The following CDH4 variants were observed in gnomAD, a reference collection of about 807,000 sequenced individuals.
CDH4 encodes the protein cadherin-4.
CDH4 carries 33 observed loss-of-function variants against 86.0 expected under a neutral mutation model. The ratio of observed to expected loss-of-function variants is 0.38; its 90% CI spans 0.29 to 0.51. CDH4 has a LOEUF of 0.51. CDH4 is among the 20% of genes least tolerant of loss of function. CDH4 has a pLI of 0.86. For synonymous variants in CDH4, 555 were observed against 549.4 expected, an observed-to-expected ratio of 1.01 and a Z score of -0.14; for missense variants, 1,114 against 1,307.4, an observed-to-expected ratio of 0.85 and a Z score of 2.28.
chr20:61,440,116 C>A (rs1193208052), intron 2 of CDH4, among the ~76,000 whole-genome samples: 1 of 152,184 alleles, frequency 6.6e-6, no homozygotes, highest in African/African-American at 2.4e-5. Context: ...CATGAAGATG[C>A]CTGCGCTATC....
chr20:61,781,608 C>T (rs1307363050), intron 4 of CDH4, among the ~76,000 whole-genome samples: 2 of 152,166 alleles, frequency 1.3e-5, no homozygotes, highest in Non-Finnish European at 1.5e-5. Flanking sequence ...AGAAGTGAAG[C>T]ACACAGAGCT....
chr20:61,523,938 G>C (rs1422945269), intron 2 of CDH4, among the ~76,000 whole-genome samples: 4 of 152,194 alleles, frequency 2.6e-5, no homozygotes, highest in Non-Finnish European at 5.9e-5. Flanking sequence ...CCGCCACTTT[G>C]CTTGGATGGT....
At chr20:61,467,847 C>T (rs1168462532) in intron 2 of CDH4, among the ~76,000 whole-genome samples, 1 of 152,190 alleles carries the variant, frequency 6.6e-6, no homozygotes, top group Non-Finnish European at 1.5e-5. Context: ...TTCGATAATT[C>T]TCTAGGAGGA....
chr20:61,894,921 G>A lies in CDH4; in HGVS notation c.1062G>A (p.Gln354=), dbSNP rs750281319. The stretch of plus-strand genomic sequence containing the variant: ...TGTCTCCCTTCCAGAAAGTTCAGCA[G>A]TACACAGTCATCGTTCAGGCCACAG... ...AAGLDREKVQ[Q]YTVIVQATDM... is the part of the protein sequence containing the mutation. The change falls in exon 8 of 16, where the codon CAG becomes CAA. Residue 354 remains glutamine, a synonymous_variant. Coordinates refer to ENST00000614565, the MANE Select transcript of CDH4 (RefSeq NM_001794.5). 6.2e-7 allele frequency: 1 copy of A among 1,613,684 alleles called. No homozygotes were observed. The highest frequency in any genetic ancestry group is 8.5e-7 in the Non-Finnish European group (1 of 1,179,872).
chr20:61,735,000 C>G (rs1370234614), intron 2 of CDH4, among the ~76,000 whole-genome samples: 2 of 151,220 alleles, frequency 1.3e-5, no homozygotes, highest in Non-Finnish European at 3.0e-5. Flanking sequence ...TCTGCGGCCC[C>G]TCCCTGTGGC....
Position 61,902,623 on chromosome 20 carries a change from AAAC to A in CDH4, c.1188+7580_1188+7582del, listed in dbSNP as rs2054738988. ...CCGAAACTCCGCCATTGTAGGACAA[AAAC>A]AACCACAGACAAAACAGAAGCGAGT... is the stretch of plus-strand genomic sequence containing the variant. On this transcript the variant is annotated intron_variant, in intron 8 of 15. Transcript: ENST00000614565. This position sits in a 1 kb window ranked among gnomAD's most constrained non-coding sequence, Gnocchi z 4.6. Among the ~76,000 whole-genome samples the A allele has an allele frequency of 6.6e-6, 1 of 152,224 alleles. No homozygotes were observed. Among genetic ancestry groups the A allele is most frequent in the African/African-American group, 2.4e-5 (1 of 41,466 alleles).
chr20:61,937,117 C>T lies in CDH4; in HGVS notation c.*174C>T. Reference sequence around the variant, plus strand: ...GCATGAGCACCCACCCCCACAGCGCCCTGCACCCGGCCGCTGCCCAGCACC... The same window carrying T: ...GCATGAGCACCCACCCCCACAGCGCTCTGCACCCGGCCGCTGCCCAGCACC... On this transcript the variant is annotated 3_prime_UTR_variant, in exon 16 of 16. Transcript: ENST00000614565. The T allele has an allele frequency of 8.6e-6, 4 of 464,148 alleles. No individual in the cohort carries two copies. The East Asian group carries it at 1.4e-4, about 16-fold the overall frequency. 28.8% of individuals were successfully genotyped at this position (464,148 alleles called of 1,614,324 possible).
chr20:61,710,015 G>T (rs953264555), intron 2 of CDH4, among the ~76,000 whole-genome samples: 1 of 152,144 alleles, frequency 6.6e-6, no homozygotes, highest in African/African-American at 2.4e-5. Flanking sequence ...AACAGTAACT[G>T]AGTGGGATGT....
chr20:61,773,043 C>T lies in CDH4; in HGVS notation c.437C>T (p.Pro146Leu), dbSNP rs771968638. ...GKKVVALDPSPPPKDTLLPWP... is the reference protein window; with the variant it reads ...GKKVVALDPSLPPKDTLLPWP... ...AAGGTCGTGGCTCTGGACCCCTCTC[C>T]GCCTCCGAAGGACACCCTGCTGCCG... The change falls in exon 4 of 16, where the codon CCG becomes CTG. Residue 146 changes from proline to leucine, a missense_variant. By Grantham distance (98) the Pro-to-Leu change is moderately conservative. Transcript: ENST00000614565. The T allele has an allele frequency of 1.2e-6, 2 of 1,613,668 alleles. No homozygotes were observed. Among genetic ancestry groups the T allele is most frequent in the East Asian group, 4.5e-5 (2 of 44,856 alleles).
At chr20:61,788,185 A>T (rs1338825897) in intron 4 of CDH4, among the ~76,000 whole-genome samples, 3 of 152,190 alleles carry the variant, frequency 2.0e-5, no homozygotes, top group South Asian at 2.1e-4. Context: ...CCCCAATCTT[A>T]TCACAGACTG....
At chr20:61,747,038 G>A (rs1185312084) in intron 3 of CDH4, among the ~76,000 whole-genome samples, 1 of 152,224 alleles carries the variant, frequency 6.6e-6, no homozygotes, top group Non-Finnish European at 1.5e-5. Flanking sequence ...CAGGCCTTCA[G>A]CTGTGCCCAT....
chr20:61,388,786 T>G (rs2084965790), intron 2 of CDH4, among the ~76,000 whole-genome samples: 1 of 152,240 alleles, frequency 6.6e-6, no homozygotes, highest in South Asian at 2.1e-4. Context: ...GTGTGCTTTT[T>G]TCATTTAACA....
intron 2 of CDH4, among the ~76,000 whole-genome samples, chr20:61,351,684 A>C (rs554488938): frequency 7.2e-5 from 11 of 151,786 alleles, no homozygotes; most frequent in Non-Finnish European, 1.5e-4. Context: ...TAACAAACTA[A>C]TCCAGTTACA....
chr20:61,887,883 C>G (rs932428813), intron 7 of CDH4, among the ~76,000 whole-genome samples: 1 of 152,146 alleles, frequency 6.6e-6, no homozygotes, highest in Non-Finnish European at 1.5e-5. Context: ...CCTGGGGACC[C>G]TACGCTGCAG....
At chr20:61,548,088 A>T (rs2086102342) in intron 2 of CDH4, among the ~76,000 whole-genome samples, 1 of 152,126 alleles carries the variant, frequency 6.6e-6, no homozygotes, top group Non-Finnish European at 1.5e-5. Flanking sequence ...GCCCAGCCCT[A>T]CCCCAGTGTC....
intron 2 of CDH4, among the ~76,000 whole-genome samples, chr20:61,603,890 C>T (rs1001541889): frequency 6.6e-6 from 1 of 152,108 alleles, no homozygotes; most frequent in Non-Finnish European, 1.5e-5. Flanking sequence ...ATAGTAAGCC[C>T]TGGGAGTGTT....
intron 2 of CDH4, among the ~76,000 whole-genome samples, chr20:61,406,309 G>C (rs1401914487): frequency 2.3e-5 from 3 of 132,266 alleles, no homozygotes; most frequent in South Asian, 2.6e-4. Flanking sequence ...CATCTGCTCT[G>C]CCTGGACCAC....
Position 61,544,127 on chromosome 20 carries a change from C to G in CDH4, c.170-199436C>G, listed in dbSNP as rs963881246. On this transcript the variant is annotated intron_variant, in intron 2 of 15. Transcript: ENST00000614565. This position sits in a 1 kb window ranked among gnomAD's most constrained non-coding sequence, Gnocchi z 6.5. ...CCCACACCTGCCTCTTGGCACTACA[C>G]TGTGTGGTCCGGTCCCACGGCCATG... Among the ~76,000 whole-genome samples, 1 of 152,218 alleles carries G rather than the reference C, an allele frequency of 6.6e-6. No individual in the cohort carries two copies.
At chr20:61,435,939 T>C (rs555784094) in intron 2 of CDH4, 5 of 152,502 alleles carry the variant, frequency 3.3e-5, no homozygotes, top group African/African-American at 9.6e-5. Flanking sequence ...TCCAGGCCAG[T>C]GTGGCCTGGC....
Sources: gnomAD v4.1 joint callset for allele counts (sites outside exome capture counted in the v4.1 genomes callset) on GRCh38, gnomAD v4.1.1 for gene constraint, Gnocchi (gnomAD v3.1) non-coding constraint, MANE v1.5 for transcripts, NCBI Gene and HGNC (gene_info 2026-07-23, HGNC 2026-07-21) for gene names.